The following RBFOX1 variants were observed in gnomAD, a reference collection of about 807,000 sequenced individuals.
The protein encoded by RBFOX1 is RNA binding fox-1 homolog 1, also known as RNA binding protein fox-1 homolog 1.
RBFOX1 carries 8 observed loss-of-function variants against 57.7 expected under a neutral mutation model. That is an observed-to-expected ratio of 0.14 (90% CI 0.08 to 0.25). The LOEUF is 0.25. Among genes scored for constraint, RBFOX1 ranks in the 10% least tolerant of loss-of-function variants. The pLI is 1.00. For missense variants in RBFOX1, 611 were observed against 548.5 expected, an observed-to-expected ratio of 1.11 and a Z score of -1.14; for synonymous variants, 326 against 222.4, an observed-to-expected ratio of 1.47 and a Z score of -4.15.
At chr16:7,538,296 G>T (rs950028982) in intron 5 of RBFOX1, among the ~76,000 whole-genome samples, 1 of 152,144 alleles carries the variant, frequency 6.6e-6, no homozygotes, top group Admixed American at 6.5e-5. Context: ...CTATTGTCCA[G>T]CAATGGTATG....
Position 7,651,529 on chromosome 16 carries a change from A to G in RBFOX1, c.758-2286A>G, listed in dbSNP as rs1043426976. 2.3e-3 allele frequency among the ~76,000 whole-genome samples: 346 copies of G among 152,010 alleles called. 3 individuals carry two copies. Among genetic ancestry groups the G allele is most frequent in the Non-Finnish European group, 3.2e-4 (22 of 68,002 alleles). ...GCCTTTTGCTCCTTCTGCAACCCTCACCTGGGTCCATGCATCAGTGTATGT... is the reference window on the plus strand; with the variant it reads ...GCCTTTTGCTCCTTCTGCAACCCTCGCCTGGGTCCATGCATCAGTGTATGT... On this transcript the variant is annotated intron_variant, in intron 11 of 15. Coordinates refer to ENST00000550418, the MANE Select transcript of RBFOX1 (RefSeq NM_018723.4).
At chr16:5,835,766 G>A (rs531147653) in intron 3 of RBFOX1, among the ~76,000 whole-genome samples, 17 of 152,302 alleles carry the variant, frequency 1.1e-4, no homozygotes, top group African/African-American at 3.4e-4. Flanking sequence ...TTGGCATGTC[G>A]TTATATCTGA....
chr16:7,450,797 G>T (rs117011689), intron 4 of RBFOX1, among the ~76,000 whole-genome samples: 353 of 152,240 alleles, frequency 2.3e-3, no homozygotes, highest in Middle Eastern at 6.8e-3. Context: ...CATTGAAGAG[G>T]CTCAATGACA....
intron 14 of RBFOX1, among the ~76,000 whole-genome samples, chr16:7,697,581 A>C (rs1278647925): frequency 6.6e-6 from 1 of 152,162 alleles, no homozygotes; most frequent in African/African-American, 2.4e-5. Context: ...TATATGTATC[A>C]CAGTAGTTCA....
At chr16:6,777,955 C>G (rs1161403076) in intron 3 of RBFOX1, among the ~76,000 whole-genome samples, 1 of 152,112 alleles carries the variant, frequency 6.6e-6, no homozygotes, top group Non-Finnish European at 1.5e-5. Context: ...GTGGTAATAT[C>G]TGAATGTGAG....
intron 1 of RBFOX1, among the ~76,000 whole-genome samples, chr16:6,165,991 G>T (rs2096914151): frequency 6.6e-6 from 1 of 152,178 alleles, no homozygotes; most frequent in African/African-American, 2.4e-5. Context: ...TTTCTTCTGT[G>T]AGGTGTGTGC....
At chr16:5,517,285 G>T (rs2043827397) in intron 2 of RBFOX1, among the ~76,000 whole-genome samples, 1 of 152,156 alleles carries the variant, frequency 6.6e-6, no homozygotes, top group Non-Finnish European at 1.5e-5. Context: ...GAATTGTTCA[G>T]GCCCCTTCTC....
intron 3 of RBFOX1, among the ~76,000 whole-genome samples, chr16:5,858,454 C>T (rs747262570): frequency 6.6e-6 from 1 of 152,180 alleles, no homozygotes; most frequent in Non-Finnish European, 1.5e-5. Context: ...AAACCAAGGA[C>T]AGAGATTTGC....
chr16:7,373,149 G>T (rs984464898), intron 4 of RBFOX1, among the ~76,000 whole-genome samples: 8 of 152,014 alleles, frequency 5.3e-5, no homozygotes, highest in Non-Finnish European at 8.8e-5. Flanking sequence ...AGCCAGGATG[G>T]TTATCGCTCT....
intron 3 of RBFOX1, among the ~76,000 whole-genome samples, chr16:6,719,740 T>G (rs986355080): frequency 6.6e-6 from 1 of 151,958 alleles, no homozygotes; most frequent in African/African-American, 2.4e-5. Flanking sequence ...GCCACCGCAC[T>G]TGGCCAAAAT....
At chr16:6,607,749 A>G (rs1039532133) in intron 2 of RBFOX1, among the ~76,000 whole-genome samples, 1 of 152,170 alleles carries the variant, frequency 6.6e-6, no homozygotes, top group Non-Finnish European at 1.5e-5. Flanking sequence ...CCCCTGCTGT[A>G]TATGGTTCCA....
chr16:5,798,801 G>A (rs1450477318), intron 3 of RBFOX1, among the ~76,000 whole-genome samples: 2 of 152,194 alleles, frequency 1.3e-5, no homozygotes, highest in African/African-American at 2.4e-5. Context: ...TCTGAGCTGT[G>A]AGGTTCCTCC....
At chr16:5,297,920 A>C (rs1368102687) in intron 1 of RBFOX1, among the ~76,000 whole-genome samples, 2 of 152,174 alleles carry the variant, frequency 1.3e-5, no homozygotes, top group African/African-American at 4.8e-5. Flanking sequence ...AATGTCTTTA[A>C]CATTTTGTAT....
chr16:7,279,249 T>C (rs2095497636), intron 4 of RBFOX1, among the ~76,000 whole-genome samples: 2 of 152,160 alleles, frequency 1.3e-5, no homozygotes, highest in South Asian at 2.1e-4. Context: ...GCATTTTCTC[T>C]GTTTATAACA....
At chr16:7,094,890 A>G (rs79163494) in intron 4 of RBFOX1, among the ~76,000 whole-genome samples, 1 of 152,008 alleles carries the variant, frequency 6.6e-6, no homozygotes, top group East Asian at 1.9e-4. Flanking sequence ...GTTCTCTTTA[A>G]TCACACAGAC....
At chr16:7,080,835 C>T (rs2059080136) in intron 4 of RBFOX1, among the ~76,000 whole-genome samples, 1 of 152,164 alleles carries the variant, frequency 6.6e-6, no homozygotes, top group Non-Finnish European at 1.5e-5. Flanking sequence ...TGTCACTTTG[C>T]CTCAAGGCCA....
chr16:5,736,364 C>T (rs992663626), intron 3 of RBFOX1, among the ~76,000 whole-genome samples: 5 of 152,116 alleles, frequency 3.3e-5, no homozygotes, highest in Admixed American at 2.6e-4. Flanking sequence ...ATCTTTTTTA[C>T]TTTCCTAAAA....
chr16:6,478,427 ATATTTT>A (rs1238303929), intron 2 of RBFOX1, among the ~76,000 whole-genome samples: 10 of 12,716 alleles, frequency 7.9e-4, no homozygotes, highest in African/African-American at 2.8e-3. Flanking sequence ...ATATATATAT[ATATTTT>A]TTTTTTTTTT....
downstream of RBFOX1, among the ~76,000 whole-genome samples, chr16:5,600,887 C>A (rs554589312): frequency 2.6e-5 from 4 of 152,182 alleles, no homozygotes; most frequent in South Asian, 8.3e-4. Flanking sequence ...TCAATGACTC[C>A]GTAAGGTGTG....
Sources: gnomAD v4.1 joint callset for allele counts (sites outside exome capture counted in the v4.1 genomes callset) on GRCh38, gnomAD v4.1.1 for gene constraint, MANE v1.5 for transcripts, NCBI Gene and HGNC (gene_info 2026-07-23, HGNC 2026-07-21) for gene names.